SETBP1: variants seen among roughly 807,000 people sequenced by gnomAD.
SETBP1 encodes the protein SET binding protein 1.
Under a neutral mutation model 101.0 loss-of-function variants are expected in SETBP1, and 9 were observed. The ratio of observed to expected loss-of-function variants is 0.09; its 90% CI spans 0.05 to 0.16. The LOEUF (loss-of-function observed/expected upper bound fraction) is 0.16. Among genes scored for constraint, SETBP1 ranks in the 10% least tolerant of loss-of-function variants. The pLI, the probability that SETBP1 is intolerant of heterozygous loss-of-function variation, is 1.00. For synonymous variants in SETBP1, 818 were observed against 788.5 expected (o/e 1.04, Z -0.63); for missense variants, 1,858 against 2,033.8 (o/e 0.91, Z 1.66).
intron 4 of SETBP1, among the ~76,000 whole-genome samples, chr18:45,025,367 G>A (rs568390398): frequency 6.6e-6 from 1 of 152,262 alleles, no homozygotes; most frequent in South Asian, 2.1e-4. Flanking sequence ...TTATTAGCTG[G>A]GAGTTCATCA....
intron 3 of SETBP1, among the ~76,000 whole-genome samples, chr18:44,915,166 A>G (rs2144902022): frequency 6.6e-6 from 1 of 152,286 alleles, no homozygotes; most frequent in Middle Eastern, 3.4e-3. Context: ...CCTTGGGAGA[A>G]ATCACAGGGA....
intron 2 of SETBP1, among the ~76,000 whole-genome samples, chr18:44,764,742 G>A (rs559689563): frequency 6.6e-6 from 1 of 152,158 alleles, no homozygotes; most frequent in Non-Finnish European, 1.5e-5. Flanking sequence ...AAAGTGCTGG[G>A]ATTACAGGTG....
chr18:44,773,353 C>A (rs952095280), intron 2 of SETBP1, among the ~76,000 whole-genome samples: 1 of 152,046 alleles, frequency 6.6e-6, no homozygotes, highest in Non-Finnish European at 1.5e-5. Flanking sequence ...TACCAGTGGG[C>A]CTTAGTTACA....
chr18:44,788,441 GTATTTT>G (rs1222900494), intron 2 of SETBP1, among the ~76,000 whole-genome samples: 1 of 152,160 alleles, frequency 6.6e-6, no homozygotes, highest in Non-Finnish European at 1.5e-5. Flanking sequence ...CTATGTCTCT[GTATTTT>G]ATCTTGATGG....
rs115866114 is a variant in SETBP1, at chr18:44,989,485, C to T, written c.4000+36145C>T. On this transcript the variant is annotated intron_variant, in intron 4 of 5. Transcript: ENST00000649279. The stretch of plus-strand genomic sequence containing the variant: ...ACAGATTTTTCATACATTTTATTGA[C>T]GCTCCAGAAAAGAGATAGTAAAAGG... Among the ~76,000 whole-genome samples, 1,105 of 151,920 alleles carry T rather than the reference C, an allele frequency of 7.3e-3. 11 individuals are homozygous for T. Among genetic ancestry groups the T allele is most frequent in the African/African-American group, 0.024 (980 of 41,450 alleles).
intron 3 of SETBP1, among the ~76,000 whole-genome samples, chr18:44,914,179 G>T (rs562375032): frequency 6.6e-6 from 1 of 152,254 alleles, no homozygotes; most frequent in South Asian, 2.1e-4. Flanking sequence ...TACATTCTTT[G>T]CACAGGTGTC....
chr18:45,014,681 C>A (rs996569177), intron 4 of SETBP1, among the ~76,000 whole-genome samples: 1 of 152,010 alleles, frequency 6.6e-6, no homozygotes, highest in East Asian at 1.9e-4. Context: ...ACTTTGTAGC[C>A]AGGTTGCATG....
At chr18:44,731,867 G>A (rs1002375087) in intron 2 of SETBP1, among the ~76,000 whole-genome samples, 14 of 152,168 alleles carry the variant, frequency 9.2e-5, no homozygotes, top group Admixed American at 2.0e-4. Context: ...TCAATATTCT[G>A]TGTCTGTTCA....
At chr18:44,772,199 G>A (rs560830865) in intron 2 of SETBP1, among the ~76,000 whole-genome samples, 1 of 152,284 alleles carries the variant, frequency 6.6e-6, no homozygotes, top group African/African-American at 2.4e-5. Flanking sequence ...CCTGGGCTTG[G>A]ATTGGGTGGG....
At chr18:44,752,807 T>A (rs1335404587) in intron 2 of SETBP1, among the ~76,000 whole-genome samples, 2 of 152,190 alleles carry the variant, frequency 1.3e-5, no homozygotes, top group African/African-American at 4.8e-5. Flanking sequence ...TCCAAGATCA[T>A]TGTCAATAGT....
intron 2 of SETBP1, among the ~76,000 whole-genome samples, chr18:44,797,477 C>A (rs1727509482): frequency 6.6e-6 from 1 of 152,212 alleles, no homozygotes; most frequent in African/African-American, 2.4e-5. Flanking sequence ...GACTTATTCT[C>A]TGTTAACCAT....
At chr18:44,860,710 G>A (rs2068986532) in intron 2 of SETBP1, among the ~76,000 whole-genome samples, 1 of 151,100 alleles carries the variant, frequency 6.6e-6, no homozygotes, top group Admixed American at 6.6e-5. Flanking sequence ...CTGTGCCACT[G>A]CACTCCAGCC....
chr18:44,689,644 C>G (rs1021839234), intron 1 of SETBP1, among the ~76,000 whole-genome samples: 3 of 152,046 alleles, frequency 2.0e-5, no homozygotes, highest in African/African-American at 7.2e-5. Context: ...AGTGGGAGCC[C>G]GAGGGGTTTA....
intron 2 of SETBP1, among the ~76,000 whole-genome samples, chr18:44,863,047 C>T (rs1040765509): frequency 1.1e-4 from 16 of 152,178 alleles, no homozygotes; most frequent in African/African-American, 3.6e-4. Context: ...CAGTGTTTCA[C>T]TTATCCTTGG....
At chr18:44,767,996 T>C (rs1021063720) in intron 2 of SETBP1, among the ~76,000 whole-genome samples, 4 of 152,248 alleles carry the variant, frequency 2.6e-5, no homozygotes, top group Admixed American at 2.6e-4. Flanking sequence ...TTACTTGTTC[T>C]AATGGTTAGA....
chr18:44,790,285 T>G lies in SETBP1; in HGVS notation c.487-78945T>G, dbSNP rs551159032. Among the ~76,000 whole-genome samples the G allele has an allele frequency of 2.2e-4, 33 of 152,308 alleles. 1 individual carries two copies. In the South Asian group the frequency reaches 6.6e-3, roughly 31 times the overall value. ...CAAACTGTTCGTCAAGAAGTACTAT[T>G]CAGTTTTTTTTCTCTGCTGGGTACC... On this transcript the variant is annotated intron_variant, in intron 2 of 5. Coordinates refer to ENST00000649279, the MANE Select transcript of SETBP1 (RefSeq NM_015559.3).
intron 4 of SETBP1, among the ~76,000 whole-genome samples, chr18:45,000,415 G>A (rs902568834): frequency 6.6e-6 from 1 of 152,116 alleles, no homozygotes; most frequent in South Asian, 2.1e-4. Flanking sequence ...CCCATGTATT[G>A]CCCTGAGGTC....
intron 4 of SETBP1, among the ~76,000 whole-genome samples, chr18:45,000,370 C>G (rs2072591805): frequency 6.6e-6 from 1 of 152,150 alleles, no homozygotes; most frequent in Non-Finnish European, 1.5e-5. Flanking sequence ...AAGGACAGAA[C>G]AGGGGCTATA....
chr18:44,907,701 T>C (rs1037726193), intron 3 of SETBP1, among the ~76,000 whole-genome samples: 1 of 152,204 alleles, frequency 6.6e-6, no homozygotes, highest in African/African-American at 2.4e-5. Flanking sequence ...TCAACTGGGT[T>C]GTCTTTTTAT....
Sources: gnomAD v4.1 joint callset for allele counts (sites outside exome capture counted in the v4.1 genomes callset) on GRCh38, gnomAD v4.1.1 for gene constraint, MANE v1.5 for transcripts, NCBI Gene and HGNC (gene_info 2026-07-23, HGNC 2026-07-21) for gene names.